The following RBFOX1 variants were observed in gnomAD, a reference collection of about 807,000 sequenced individuals.
The protein encoded by RBFOX1 is RNA binding fox-1 homolog 1.
Under a neutral mutation model 57.7 loss-of-function variants are expected in RBFOX1, and 8 were observed. The observed-to-expected ratio is 0.14, with a 90% confidence interval of 0.08 to 0.25. RBFOX1 has a LOEUF of 0.25. Ranked by LOEUF, RBFOX1 falls within the 10% of genes least tolerant of loss-of-function variation. The pLI is 1.00. For synonymous variants in RBFOX1, 326 were observed against 222.4 expected (o/e 1.47, Z -4.15); for missense variants, 611 against 548.5 (o/e 1.11, Z -1.14).
chr16:7,531,925 C>T (rs62012736), intron 5 of RBFOX1, among the ~76,000 whole-genome samples: 12,425 of 152,052 alleles, frequency 0.082, 686 homozygotes, highest in African/African-American at 0.16. Flanking sequence ...CAGTGGCATC[C>T]AGTGGCCCCA....
intron 2 of RBFOX1, among the ~76,000 whole-genome samples, chr16:6,641,734 CAAAAAAAAAAAAAAAAAAAAAAAAAAAAA>C (rs869202831): frequency 2.9e-5 from 2 of 68,974 alleles, no homozygotes; most frequent in African/African-American, 6.3e-5. Context: ...GACTCCGTCT[CAAAAAAAAAAAAAAAAAAAAAAAAAAAAA>C]AAAAAAAAAA....
At chr16:6,480,539 C>T (rs1215094479) in intron 2 of RBFOX1, among the ~76,000 whole-genome samples, 3 of 152,178 alleles carry the variant, frequency 2.0e-5, no homozygotes, top group Admixed American at 6.5e-5. Context: ...AGTATCAAAA[C>T]CATTTTTAAC....
chr16:7,156,603 G>T (rs909071044), intron 4 of RBFOX1, among the ~76,000 whole-genome samples: 2 of 151,808 alleles, frequency 1.3e-5, no homozygotes, highest in African/African-American at 4.8e-5. Flanking sequence ...ACATATATGT[G>T]TACATATATA....
chr16:5,873,596 T>G (rs1462232158), intron 4 of RBFOX1, among the ~76,000 whole-genome samples: 2 of 152,244 alleles, frequency 1.3e-5, no homozygotes, highest in Non-Finnish European at 2.9e-5. Flanking sequence ...CTAGGCACAA[T>G]ACTAGGCCTG....
chr16:7,323,872 G>C (rs1404501473), intron 4 of RBFOX1, among the ~76,000 whole-genome samples: 1 of 152,200 alleles, frequency 6.6e-6, no homozygotes, highest in Non-Finnish European at 1.5e-5. Context: ...TCAAAAAGCA[G>C]ATAATCCAAT....
At chr16:6,200,694 A>G (rs2097209258) in intron 1 of RBFOX1, among the ~76,000 whole-genome samples, 1 of 152,172 alleles carries the variant, frequency 6.6e-6, no homozygotes, top group Non-Finnish European at 1.5e-5. Flanking sequence ...AGAAGTTCAC[A>G]AGTTTGCTTG....
chr16:5,756,225 A>T (rs1333466735), intron 3 of RBFOX1, among the ~76,000 whole-genome samples: 4 of 98,730 alleles, frequency 4.1e-5, no homozygotes, highest in African/African-American at 2.3e-4. Flanking sequence ...CACATAAGCA[A>T]AAAAAAAAAA....
intron 4 of RBFOX1, among the ~76,000 whole-genome samples, chr16:7,413,332 C>G (rs1045470873): frequency 4.0e-5 from 6 of 151,798 alleles, no homozygotes; most frequent in African/African-American, 1.5e-4. Flanking sequence ...GCCTCCCTTC[C>G]CCAGTCTTCC....
chr16:6,585,982 A>G (rs1191782728), intron 2 of RBFOX1, among the ~76,000 whole-genome samples: 1 of 152,246 alleles, frequency 6.6e-6, no homozygotes, highest in African/African-American at 2.4e-5. Flanking sequence ...CGTTCAAAAC[A>G]GTGGAATACA....
At chr16:7,584,871 C>G (rs1215135620) in intron 6 of RBFOX1, among the ~76,000 whole-genome samples, 1 of 152,164 alleles carries the variant, frequency 6.6e-6, no homozygotes, top group Non-Finnish European at 1.5e-5. Context: ...GAACCGTCAA[C>G]CTAACAGCAA....
intron 4 of RBFOX1, among the ~76,000 whole-genome samples, chr16:7,430,349 C>A (rs1404057470): frequency 1.3e-5 from 2 of 152,098 alleles, no homozygotes; most frequent in South Asian, 2.1e-4. Flanking sequence ...GAAACAACTT[C>A]CTTCTTTGAA....
At chr16:6,008,946 G>A (rs2094943496) in intron 4 of RBFOX1, among the ~76,000 whole-genome samples, 1 of 152,138 alleles carries the variant, frequency 6.6e-6, no homozygotes. Context: ...TAGACGGATG[G>A]CTTTCTCATT....
chr16:7,073,897 GAA>G (rs973134014), intron 4 of RBFOX1, among the ~76,000 whole-genome samples: 1 of 146,178 alleles, frequency 6.8e-6, no homozygotes, highest in Non-Finnish European at 1.5e-5. Flanking sequence ...GTGTAGAAAA[GAA>G]AAAAAAATTG....
intron 2 of RBFOX1, among the ~76,000 whole-genome samples, chr16:5,482,888 A>G (rs2069593934): frequency 6.6e-6 from 1 of 152,190 alleles, no homozygotes; most frequent in Non-Finnish European, 1.5e-5. Flanking sequence ...CAAGATCCTT[A>G]AGGCCAAACA....
At chr16:7,069,461 T>A (rs545902825) in intron 4 of RBFOX1, among the ~76,000 whole-genome samples, 17 of 152,314 alleles carry the variant, frequency 1.1e-4, no homozygotes, top group Non-Finnish European at 2.2e-4. Flanking sequence ...AGTTTTCTGT[T>A]CCTGTTTTCG....
At chr16:7,571,540 G>A (rs908447781) in intron 5 of RBFOX1, among the ~76,000 whole-genome samples, 1 of 152,168 alleles carries the variant, frequency 6.6e-6, no homozygotes, top group Admixed American at 6.5e-5. Flanking sequence ...ATCTTCAGGA[G>A]ATTAAAGTGC....
chr16:6,486,363 A>G (rs2095482231), intron 2 of RBFOX1, among the ~76,000 whole-genome samples: 2 of 152,036 alleles, frequency 1.3e-5, no homozygotes, highest in African/African-American at 4.8e-5. Flanking sequence ...TTAGATTTTG[A>G]GCACAGTTGT....
chr16:6,926,593 T>C (rs1331676528), intron 3 of RBFOX1, among the ~76,000 whole-genome samples: 2 of 152,186 alleles, frequency 1.3e-5, no homozygotes. Context: ...ATAATGCTAG[T>C]TGCATGCTGG....
At chr16:5,742,294 GCCTCCCTCCCTT>G (rs1367947763) in intron 3 of RBFOX1, among the ~76,000 whole-genome samples, 3 of 81,078 alleles carry the variant, frequency 3.7e-5, no homozygotes, top group Non-Finnish European at 7.0e-5. Context: ...CTCCCTTCCT[GCCTCCCTCCCTT>G]CCTCCCTCCC....
Sources: allele counts gnomAD v4.1 joint callset (sites outside exome capture counted in the v4.1 genomes callset), GRCh38; gene constraint gnomAD v4.1.1; transcripts MANE v1.5; gene names NCBI Gene and HGNC (gene_info 2026-07-23, HGNC 2026-07-21).